NTRK2: variants seen among roughly 807,000 people sequenced by gnomAD.
The protein encoded by NTRK2 is BDNF/NT-3 growth factors receptor.
NTRK2 carries 13 observed loss-of-function variants against 94.5 expected under a neutral mutation model. The ratio of observed to expected loss-of-function variants is 0.14; its 90% CI spans 0.09 to 0.22. The LOEUF (loss-of-function observed/expected upper bound fraction) is 0.22, where lower values mean the gene tolerates loss of function less well. Among genes scored for constraint, NTRK2 ranks in the 10% least tolerant of loss-of-function variants. NTRK2 has a pLI of 1.00. For synonymous variants in NTRK2, 372 were observed against 407.4 expected, an observed-to-expected ratio of 0.91 and a Z score of 1.05; for missense variants, 639 against 1,071.2, an observed-to-expected ratio of 0.60 and a Z score of 5.63.
intron 15 of NTRK2, among the ~76,000 whole-genome samples, chr9:84,942,035 C>T (rs2078427853): frequency 6.6e-6 from 1 of 152,090 alleles, no homozygotes; most frequent in South Asian, 2.1e-4. Flanking sequence ...TCACTTGGTA[C>T]ATAATTAAAG....
At chr9:84,751,200 A>T (rs191553732) in intron 11 of NTRK2, among the ~76,000 whole-genome samples, 13 of 152,310 alleles carry the variant, frequency 8.5e-5, no homozygotes, top group Non-Finnish European at 1.8e-4. Flanking sequence ...AACCTTAAAA[A>T]TAGCCTTTTA....
chr9:84,880,645 T>C (rs1475787166), intron 14 of NTRK2, among the ~76,000 whole-genome samples: 1 of 152,244 alleles, frequency 6.6e-6, no homozygotes, highest in East Asian at 1.9e-4. Context: ...AGTCAGGAGA[T>C]ATCAAGGAGC....
intron 12 of NTRK2, among the ~76,000 whole-genome samples, chr9:84,844,974 C>T (rs941144994): frequency 4.0e-5 from 6 of 151,872 alleles, no homozygotes; most frequent in East Asian, 3.9e-4. Flanking sequence ...GGTGTGGATG[C>T]GGTGAAAAAG....
In NTRK2 at chr9:84,801,919, T is replaced by A. The variant is rs574163262; in HGVS notation, c.1396+49834T>A. ...GTGTCTTTTCATCTATATGACATTT[T>A]AAATTTTTTACTGCTTTCGCAGAAG... On this transcript the variant is annotated intron_variant, in intron 12 of 18. Coordinates refer to ENST00000277120, the MANE Select transcript of NTRK2 (RefSeq NM_006180.6). Among the ~76,000 whole-genome samples the A allele has an allele frequency of 5.3e-5, 8 of 152,356 alleles. No homozygotes were observed. In the South Asian group the frequency reaches 1.7e-3, roughly 32 times the overall value.
chr9:84,904,997 T>C (rs553728696), intron 14 of NTRK2, among the ~76,000 whole-genome samples: 149 of 151,874 alleles, frequency 9.8e-4, no homozygotes, highest in African/African-American at 3.4e-3. Flanking sequence ...AAAAGAAAAA[T>C]GAATAGTGAA....
chr9:84,951,255 T>C (rs1443861203), intron 16 of NTRK2, among the ~76,000 whole-genome samples: 1 of 152,180 alleles, frequency 6.6e-6, no homozygotes, highest in Non-Finnish European at 1.5e-5. Flanking sequence ...TCTGAGACAA[T>C]CTTGATGCAT....
chr9:84,770,329 G>A (rs532529230), intron 12 of NTRK2, among the ~76,000 whole-genome samples: 20 of 152,198 alleles, frequency 1.3e-4, no homozygotes, highest in African/African-American at 4.6e-4. Context: ...AAACTCTGTG[G>A]TATAATTTAC....
rs879336780 is a variant in NTRK2, at chr9:84,821,320, T to TAC, written c.1397-39695_1397-39694dup. ...AGAGCAAGGAAAGGGCACAAGAATT[T>TAC]ACACACACACACACACACACACACA... On this transcript the variant is annotated intron_variant, in intron 12 of 18. Coordinates refer to ENST00000277120, the MANE Select transcript of NTRK2 (RefSeq NM_006180.6). 7.1e-3 allele frequency among the ~76,000 whole-genome samples: 559 copies of TAC among 79,046 alleles called. 4 individuals are homozygous for TAC. Among genetic ancestry groups the TAC allele is most frequent in the South Asian group, 0.031 (57 of 1,844 alleles). The allele number at this position is 79,046 out of a possible 152,430, so 51.9% of individuals were successfully genotyped here.
At chr9:84,881,377 T>C (rs1393091967) in intron 14 of NTRK2, among the ~76,000 whole-genome samples, 1 of 152,188 alleles carries the variant, frequency 6.6e-6, no homozygotes, top group Non-Finnish European at 1.5e-5. Context: ...AATCAGGAAG[T>C]CACGTCTCAC....
intron 9 of NTRK2, among the ~76,000 whole-genome samples, chr9:84,731,565 C>T (rs1318081226): frequency 6.6e-6 from 1 of 151,898 alleles, no homozygotes; most frequent in African/African-American, 2.4e-5. Context: ...ATAAATAAAC[C>T]AAAAGTCTCC....
intron 6 of NTRK2, among the ~76,000 whole-genome samples, chr9:84,712,939 A>T (rs1360163148): frequency 1.3e-5 from 2 of 152,160 alleles, no homozygotes; most frequent in Non-Finnish European, 2.9e-5. Context: ...AAGCATCCTT[A>T]TTCATGCTTT....
chr9:84,674,323 A>G (rs758571720), intron 2 of NTRK2, among the ~76,000 whole-genome samples: 7 of 152,300 alleles, frequency 4.6e-5, no homozygotes, highest in Middle Eastern at 3.4e-3. Context: ...TCCTCTTAGC[A>G]CAACCTAAAT....
At chr9:84,828,266 C>T (rs1488114597) in intron 12 of NTRK2, among the ~76,000 whole-genome samples, 1 of 152,152 alleles carries the variant, frequency 6.6e-6, no homozygotes, top group Non-Finnish European at 1.5e-5. Context: ...ATGGGCAGGC[C>T]TCTTTGTGCA....
Position 84,695,725 on chromosome 9 carries a change from C to T in NTRK2, c.213-6434C>T, listed in dbSNP as rs576151277. Among the ~76,000 whole-genome samples the T allele has an allele frequency of 2.6e-5, 4 of 152,356 alleles. No individual in the cohort carries two copies. The South Asian group carries it at 8.3e-4, about 32-fold the overall frequency. On this transcript the variant is annotated intron_variant, in intron 2 of 18. Coordinates refer to ENST00000277120, the MANE Select transcript of NTRK2 (RefSeq NM_006180.6). ...TGCCCTTTCTCCTTTTAAGCCTTCA[C>T]TGACCTGCCCAATTATTTAAATATA... is the stretch of plus-strand genomic sequence containing the variant.
intron 12 of NTRK2, among the ~76,000 whole-genome samples, chr9:84,822,545 G>C (rs1302643832): frequency 1.3e-5 from 2 of 152,180 alleles, no homozygotes; most frequent in African/African-American, 4.8e-5. Context: ...AGAGAAACTG[G>C]GAAGGGAATC....
chr9:84,983,900 A>G (rs759845730), intron 17 of NTRK2, among the ~76,000 whole-genome samples: 12 of 152,178 alleles, frequency 7.9e-5, no homozygotes, highest in Non-Finnish European at 1.6e-4. Context: ...ATTATGGTGG[A>G]AGACATGGGA....
intron 17 of NTRK2, among the ~76,000 whole-genome samples, chr9:85,014,218 C>T (rs533770724): frequency 9.9e-5 from 15 of 152,054 alleles, no homozygotes; most frequent in South Asian, 6.2e-4. Context: ...AGTATGGAGA[C>T]GAATGGATAC....
At chr9:84,876,737 A>T in intron 14 of NTRK2, 1 of 1,061,034 alleles carries the variant, frequency 9.4e-7, no homozygotes. Flanking sequence ...CATTAGTGCC[A>T]TTTCCTGATA....
At chr9:84,783,275 G>A (rs2067784305) in intron 12 of NTRK2, among the ~76,000 whole-genome samples, 1 of 152,150 alleles carries the variant, frequency 6.6e-6, no homozygotes, top group African/African-American at 2.4e-5. Flanking sequence ...TTTTGTATCT[G>A]TATCACATTT....
Sources: allele counts gnomAD v4.1 joint callset (sites outside exome capture counted in the v4.1 genomes callset), GRCh38; gene constraint gnomAD v4.1.1; transcripts MANE v1.5; gene names NCBI Gene and HGNC (gene_info 2026-07-23, HGNC 2026-07-21).